MRPS28: variants seen among roughly 807,000 people sequenced by gnomAD.
MRPS28 encodes mitochondrial ribosomal protein S28.
In MRPS28, 7 loss-of-function variants were observed where a neutral mutation model predicts 10.8. The ratio of observed to expected loss-of-function variants is 0.65; its 90% CI spans 0.37 to 1.22. The LOEUF is 1.22. Ranked by LOEUF, MRPS28 falls within the 50% of genes most tolerant of loss-of-function variation. The probability of loss-of-function intolerance (pLI) is 0.02; values close to 1 mark genes in which losing one functional copy is unlikely to be tolerated. For missense variants in MRPS28, 265 were observed against 232.9 expected (o/e 1.14, Z -0.90); for synonymous variants, 121 against 93.3 (o/e 1.30, Z -1.71).
At chr8:80,008,003 A>C (rs1285643793) in intron 1 of MRPS28, among the ~76,000 whole-genome samples, 1 of 152,170 alleles carries the variant, frequency 6.6e-6, no homozygotes. Flanking sequence ...AGAGGCATCA[A>C]GCTACCTGAC....
chr8:79,919,018 T>A lies in MRPS28; in HGVS notation c.526A>T (p.Lys176Ter). 1 of 1,584,064 alleles carries A rather than the reference T, an allele frequency of 6.3e-7. No homozygotes were observed. Among genetic ancestry groups the A allele is most frequent in the Middle Eastern group, 1.7e-4 (1 of 5,930 alleles). Residue 176 changes from lysine to a stop codon, truncating the protein, a stop_gained, in exon 3 of 3, where the codon AAA becomes TAA. Coordinates refer to ENST00000276585, the MANE Select transcript of MRPS28 (RefSeq NM_014018.3). LOFTEE classifies it high-confidence loss of function. ...NAVLLGIQES[K>*]DSRSKEEHHE... is the part of the protein sequence containing the mutation. ...TGTTCTTCTTTCGATCTTGAGTCTT[T>A]ACTCTCCTGGATTCCCAAGAGAACT... is the stretch of plus-strand genomic sequence containing the variant.
intron 2 of MRPS28, among the ~76,000 whole-genome samples, chr8:79,968,603 T>A (rs184176237): frequency 7.6e-4 from 115 of 152,166 alleles, no homozygotes; most frequent in African/African-American, 2.4e-3. Context: ...TTCTCAACCT[T>A]TCTCACAACA....
chr8:80,007,237 A>G (rs182309913), intron 1 of MRPS28, among the ~76,000 whole-genome samples: 1 of 152,208 alleles, frequency 6.6e-6, no homozygotes, highest in African/African-American at 2.4e-5. Context: ...CATGCTAAAA[A>G]CTCTCAAGCA....
At chr8:79,931,009 A>G (rs1307860273) in intron 2 of MRPS28, among the ~76,000 whole-genome samples, 1 of 152,206 alleles carries the variant, frequency 6.6e-6, no homozygotes, top group Admixed American at 6.5e-5. Context: ...AGATTAGACA[A>G]TGACATTATT....
intron 2 of MRPS28, among the ~76,000 whole-genome samples, chr8:79,944,982 A>G (rs1247708560): frequency 1.3e-5 from 2 of 152,174 alleles, no homozygotes; most frequent in Non-Finnish European, 2.9e-5. Context: ...GGCATGAGCC[A>G]CCACAACCAG....
intron 1 of MRPS28, among the ~76,000 whole-genome samples, chr8:80,020,995 G>C (rs531040683): frequency 6.7e-6 from 1 of 150,304 alleles, no homozygotes; most frequent in Non-Finnish European, 1.5e-5. Context: ...ATATATATTC[G>C]CACACACACA....
At chr8:79,958,080 G>A (rs1025388410) in intron 2 of MRPS28, 3 of 268,166 alleles carry the variant, frequency 1.1e-5, no homozygotes, top group Non-Finnish European at 2.1e-5. Flanking sequence ...TATTCTCAGA[G>A]CTGTACAGCT....
chr8:79,988,740 C>G (rs959604982), intron 2 of MRPS28, among the ~76,000 whole-genome samples: 1 of 152,198 alleles, frequency 6.6e-6, no homozygotes, highest in Admixed American at 6.5e-5. Flanking sequence ...TTCTGTTCAT[C>G]AGACTCCTGG....
chr8:79,930,183 A>C (rs2129889745), intron 2 of MRPS28, among the ~76,000 whole-genome samples: 1 of 152,332 alleles, frequency 6.6e-6, no homozygotes. Context: ...TCCTGGATAG[A>C]TGGCCAGCTA....
intron 1 of MRPS28, among the ~76,000 whole-genome samples, chr8:80,026,296 T>C (rs914053248): frequency 5.3e-5 from 8 of 152,214 alleles, no homozygotes; most frequent in Non-Finnish European, 1.0e-4. Flanking sequence ...AGAAAAACAC[T>C]GAAAACTTCC....
At chr8:79,981,825 T>C in intron 2 of MRPS28, among the ~76,000 whole-genome samples, 1 of 152,124 alleles carries the variant, frequency 6.6e-6, no homozygotes, top group East Asian at 1.9e-4. Context: ...TGACAGAGAG[T>C]AGCATAAAAT....
At chr8:79,943,225 T>G (rs1586048877) in intron 2 of MRPS28, among the ~76,000 whole-genome samples, 2 of 152,090 alleles carry the variant, frequency 1.3e-5, no homozygotes, top group Non-Finnish European at 2.9e-5. Flanking sequence ...CCTAGAAAAA[T>G]CTTTAGTACT....
intron 1 of MRPS28, among the ~76,000 whole-genome samples, chr8:80,019,082 G>A (rs1016657409): frequency 1.3e-5 from 2 of 151,948 alleles, no homozygotes; most frequent in African/African-American, 4.8e-5. Flanking sequence ...GGGTGGGGAT[G>A]GTTAATGGGT....
intron 1 of MRPS28, among the ~76,000 whole-genome samples, chr8:80,005,491 A>G (rs991448862): frequency 6.6e-6 from 1 of 152,228 alleles, no homozygotes; most frequent in Non-Finnish European, 1.5e-5. Flanking sequence ...AGGAAGCACT[A>G]AACATGGAAA....
rs188492781 is a variant in MRPS28, at chr8:79,920,240, G to A, written c.396-1092C>T. Among the ~76,000 whole-genome samples the A allele has an allele frequency of 3.8e-3, 578 of 152,174 alleles. 4 individuals carry two copies. Among genetic ancestry groups the A allele is most frequent in the African/African-American group, 0.011 (473 of 41,518 alleles). On this transcript the variant is annotated intron_variant, in intron 2 of 2. Coordinates refer to ENST00000276585, the MANE Select transcript of MRPS28 (RefSeq NM_014018.3). ...AGTCTTTGCTATTGCGAATGGTACC[G>A]CAATAAACATACATGTGCATGTGTC...
At chr8:79,975,949 G>C (rs373623565) in intron 2 of MRPS28, among the ~76,000 whole-genome samples, 1 of 152,160 alleles carries the variant, frequency 6.6e-6, no homozygotes, top group African/African-American at 2.4e-5. Flanking sequence ...GTAGTAAAAT[G>C]CTATGCAGTC....
At chr8:79,959,997 C>G (rs1256061876) in intron 2 of MRPS28, among the ~76,000 whole-genome samples, 3 of 152,112 alleles carry the variant, frequency 2.0e-5, no homozygotes, top group African/African-American at 7.2e-5. Context: ...ACCTCAAATC[C>G]TGACAACATC....
chr8:80,001,752 G>T (rs936497234), intron 2 of MRPS28, among the ~76,000 whole-genome samples: 1 of 152,150 alleles, frequency 6.6e-6, no homozygotes, highest in African/African-American at 2.4e-5. Flanking sequence ...CAGTCTTTCA[G>T]TTGACACCTG....
intron 2 of MRPS28, among the ~76,000 whole-genome samples, chr8:79,941,271 T>C (rs1285713502): frequency 2.0e-5 from 3 of 152,260 alleles, no homozygotes; most frequent in Non-Finnish European, 4.4e-5. Context: ...TCAAATCTTC[T>C]AGACCTTCCT....
Sources: gnomAD v4.1 joint callset for allele counts (sites outside exome capture counted in the v4.1 genomes callset) on GRCh38, gnomAD v4.1.1 for gene constraint, MANE v1.5 for transcripts, NCBI Gene and HGNC (gene_info 2026-07-23, HGNC 2026-07-21) for gene names.